INTS4: variants seen among roughly 807,000 people sequenced by gnomAD.
INTS4 encodes the protein integrator complex subunit 4, also known as MSTP093.
A neutral mutation model predicts 119.5 loss-of-function variants in INTS4; 70 were observed. That is an observed-to-expected ratio of 0.59 (90% confidence interval 0.48 to 0.71). The LOEUF (loss-of-function observed/expected upper bound fraction) is 0.71. Among genes scored for constraint, INTS4 ranks in the 30% least tolerant of loss-of-function variants. INTS4 has a pLI of 0.00. For synonymous variants in INTS4, 316 were observed against 419.6 expected (o/e 0.75, Z 3.02); for missense variants, 867 against 1,173.2 (o/e 0.74, Z 3.81).
At chr11:77,962,311 T>C (rs577982218) in intron 4 of INTS4, among the ~76,000 whole-genome samples, 2 of 152,326 alleles carry the variant, frequency 1.3e-5, no homozygotes, top group South Asian at 4.1e-4. Context: ...CAAATAGTTT[T>C]CCATAATGGC....
chr11:77,913,156 T>C (rs1009271563), intron 15 of INTS4, among the ~76,000 whole-genome samples: 5 of 152,166 alleles, frequency 3.3e-5, no homozygotes, highest in Non-Finnish European at 5.9e-5. Flanking sequence ...TACTGAGAAA[T>C]AGCAGACAAA....
At chr11:77,986,590 A>C (rs954030800) in intron 2 of INTS4, among the ~76,000 whole-genome samples, 2 of 152,222 alleles carry the variant, frequency 1.3e-5, no homozygotes, top group African/African-American at 4.8e-5. Context: ...AGTAACCCAA[A>C]TGTCCACCAA....
At chr11:77,974,556 T>G (rs1056301660) in intron 4 of INTS4, among the ~76,000 whole-genome samples, 1 of 151,646 alleles carries the variant, frequency 6.6e-6, no homozygotes, top group African/African-American at 2.4e-5. Flanking sequence ...TTTTTCATAA[T>G]ATTAACTTAT....
chr11:77,985,081 C>G (rs1006414108), intron 2 of INTS4, among the ~76,000 whole-genome samples: 2 of 152,122 alleles, frequency 1.3e-5, no homozygotes, highest in Admixed American at 1.3e-4. Context: ...AGAATTACCT[C>G]CAGGGAAGCC....
At chr11:77,954,081 G>C (rs1010744997) in intron 8 of INTS4, among the ~76,000 whole-genome samples, 1 of 152,166 alleles carries the variant, frequency 6.6e-6, no homozygotes, top group South Asian at 2.1e-4. Context: ...CAAAGTGCTG[G>C]GATTATAGGC....
chr11:77,949,800 A>G (rs1954142815), intron 8 of INTS4, among the ~76,000 whole-genome samples: 1 of 152,090 alleles, frequency 6.6e-6, no homozygotes, highest in African/African-American at 2.4e-5. Context: ...ATTGTGGAAG[A>G]CAGCATGGCG....
intron 21 of INTS4, among the ~76,000 whole-genome samples, chr11:77,889,848 A>G (rs1400244792): frequency 1.3e-5 from 2 of 152,120 alleles, no homozygotes; most frequent in Admixed American, 1.3e-4. Context: ...TAGAGGTGCT[A>G]TGAAGGGGGT....
At chr11:77,928,303 G>T (rs374560388) in intron 11 of INTS4, 39 bp downstream of exon 11, 2 of 1,601,734 alleles carry the variant, frequency 1.2e-6, no homozygotes, top group African/African-American at 2.7e-5. Context: ...AGGGGGGGGT[G>T]AGGGATGAAG....
downstream of INTS4, chr11:77,878,692 T>C (rs895987985): frequency 2.6e-5 from 18 of 688,332 alleles, no homozygotes; most frequent in African/African-American, 5.3e-5. Flanking sequence ...CCACACGCAT[T>C]TCTTTACAGA....
intron 8 of INTS4, among the ~76,000 whole-genome samples, chr11:77,947,126 G>T (rs632040): frequency 6.7e-6 from 1 of 149,664 alleles, no homozygotes; most frequent in African/African-American, 2.4e-5. Context: ...AAAAAAACAA[G>T]TAAGAATAAA....
intron 21 of INTS4, among the ~76,000 whole-genome samples, chr11:77,889,304 C>A (rs1196580325): frequency 4.6e-5 from 7 of 151,282 alleles, no homozygotes; most frequent in Non-Finnish European, 1.5e-5. Flanking sequence ...GGACAAAAAA[C>A]CAAACACCGC....
At chr11:77,990,260 G>A (rs1856620930) in intron 2 of INTS4, among the ~76,000 whole-genome samples, 1 of 151,272 alleles carries the variant, frequency 6.6e-6, no homozygotes, top group African/African-American at 2.4e-5. Flanking sequence ...TGGAGTAGTG[G>A]CACGTCTGCA....
chr11:77,917,648 A>G (rs1047135592), intron 15 of INTS4, among the ~76,000 whole-genome samples: 2 of 151,728 alleles, frequency 1.3e-5, no homozygotes, highest in African/African-American at 4.8e-5. Flanking sequence ...AACAATAAAG[A>G]ATTTAAACTC....
intron 22 of INTS4, among the ~76,000 whole-genome samples, chr11:77,880,485 C>A (rs1951750247): frequency 6.6e-6 from 1 of 152,184 alleles, no homozygotes; most frequent in African/African-American, 2.4e-5. Flanking sequence ...CATGCAGCAG[C>A]CATGAGTGTA....
intron 10 of INTS4, among the ~76,000 whole-genome samples, chr11:77,938,069 A>G (rs1349391407): frequency 6.6e-6 from 1 of 151,268 alleles, no homozygotes; most frequent in Non-Finnish European, 1.5e-5. Flanking sequence ...CTGGTCTTGA[A>G]CTCCTGGCCT....
intron 12 of INTS4, among the ~76,000 whole-genome samples, chr11:77,923,617 C>T (rs997803861): frequency 2.0e-5 from 3 of 152,048 alleles, no homozygotes; most frequent in African/African-American, 4.8e-5. Flanking sequence ...AGTTGCTATA[C>T]GCATTAAATA....
chr11:77,892,734 C>G (rs1425673985), intron 19 of INTS4, among the ~76,000 whole-genome samples: 1 of 152,124 alleles, frequency 6.6e-6, no homozygotes, highest in Non-Finnish European at 1.5e-5. Context: ...AGCTGCCCAC[C>G]ACCACGCCCT....
chr11:77,969,603 C>A (rs1855632874), intron 4 of INTS4, among the ~76,000 whole-genome samples: 1 of 152,048 alleles, frequency 6.6e-6, no homozygotes, highest in Non-Finnish European at 1.5e-5. Flanking sequence ...TGAACACCTG[C>A]ACTCAAGCGA....
intron 8 of INTS4, among the ~76,000 whole-genome samples, chr11:77,953,888 C>A (rs1483578914): frequency 2.7e-5 from 4 of 150,486 alleles, no homozygotes; most frequent in African/African-American, 7.3e-5. Context: ...CTCTGCCTCC[C>A]GGGTAACCTC....
Sources: gnomAD v4.1 joint callset for allele counts (sites outside exome capture counted in the v4.1 genomes callset) on GRCh38, gnomAD v4.1.1 for gene constraint, MANE v1.5 for transcripts, NCBI Gene and HGNC (gene_info 2026-07-23, HGNC 2026-07-21) for gene names.